Variants in BANP observed in about 807,000 individuals in gnomAD.
The protein encoded by BANP is BTG3 associated nuclear protein.
Under a neutral mutation model 68.1 loss-of-function variants are expected in BANP, and 11 were observed. The ratio of observed to expected loss-of-function variants is 0.16; its 90% CI spans 0.10 to 0.27. The LOEUF (loss-of-function observed/expected upper bound fraction) is 0.27, where lower values mean the gene tolerates loss of function less well. Among genes scored for constraint, BANP ranks in the 10% least tolerant of loss-of-function variants. BANP has a pLI of 1.00. For synonymous variants in BANP, 329 were observed against 303.2 expected (o/e 1.09, Z -0.88); for missense variants, 504 against 722.7 (o/e 0.70, Z 3.47).
chr16:88,044,830 A>C (rs1013294166), intron 11 of BANP, among the ~76,000 whole-genome samples: 1 of 152,180 alleles, frequency 6.6e-6, no homozygotes, highest in Admixed American at 6.5e-5. Context: ...AAAAATGCAA[A>C]AAATTAGCCG....
At chr16:87,969,690 C>T (rs1044352301) in intron 1 of BANP, among the ~76,000 whole-genome samples, 3 of 150,952 alleles carry the variant, frequency 2.0e-5, no homozygotes, top group African/African-American at 7.3e-5. Flanking sequence ...GCGCCGCCAT[C>T]CCCGTCTAAT....
rs1478436610 is a variant in BANP at position 87,965,465 on chromosome 16, A to G, written c.-68-9583A>G. Reference sequence around the variant, plus strand: ...TGTGCAAGGGTGATGCTGAGGGACCAGGGAGGGGTGCTGACTGGGTGTGGG... The same window carrying G: ...TGTGCAAGGGTGATGCTGAGGGACCGGGGAGGGGTGCTGACTGGGTGTGGG... On this transcript the variant is annotated intron_variant, in intron 1 of 13. Coordinates refer to ENST00000682872, the MANE Select transcript of BANP (RefSeq NM_001386991.1). Among the ~76,000 whole-genome samples the G allele has an allele frequency of 2.0e-5, 3 of 147,258 alleles. No homozygotes were observed. In the East Asian group the frequency reaches 6.0e-4, roughly 29 times the overall value.
chr16:88,056,443 G>A (rs561751359), intron 11 of BANP, among the ~76,000 whole-genome samples: 2 of 148,820 alleles, frequency 1.3e-5, no homozygotes, highest in Admixed American at 6.8e-5. Flanking sequence ...GTGTTTGGCT[G>A]GGAAGCGTAT....
chr16:87,997,467 G>C (rs2152523258), intron 4 of BANP, among the ~76,000 whole-genome samples: 1 of 152,402 alleles, frequency 6.6e-6, no homozygotes, highest in Admixed American at 6.5e-5. Context: ...CTGAGCATCA[G>C]TGTCTTCATG....
At chr16:88,017,323 G>A (rs2074807933) in intron 6 of BANP, 1 of 152,458 alleles carries the variant, frequency 6.6e-6, no homozygotes, top group South Asian at 2.1e-4. Context: ...AGGACGTGCT[G>A]GGGGAGGGGA....
At chr16:88,028,899 A>G (rs1336778286) in intron 8 of BANP, among the ~76,000 whole-genome samples, 1 of 152,234 alleles carries the variant, frequency 6.6e-6, no homozygotes, top group African/African-American at 2.4e-5. Flanking sequence ...TCATTTTTAC[A>G]GTGCCTGTCT....
intron 4 of BANP, among the ~76,000 whole-genome samples, chr16:87,986,423 G>T (rs545427868): frequency 2.6e-5 from 4 of 152,228 alleles, no homozygotes; most frequent in Non-Finnish European, 5.9e-5. Flanking sequence ...TGTAGTTTCT[G>T]TAGTGGGTTG....
At chr16:87,974,968 G>A (rs1597968389) in intron 1 of BANP, 80 bp from the exon 2 acceptor site, 7 of 678,060 alleles carry the variant, frequency 1.0e-5, no homozygotes, top group East Asian at 8.2e-5. Flanking sequence ...TTGCATACAC[G>A]TGCTCGGCTC....
intron 1 of BANP, among the ~76,000 whole-genome samples, chr16:87,973,161 T>A (rs1272282684): frequency 1.3e-5 from 2 of 152,066 alleles, no homozygotes; most frequent in South Asian, 2.1e-4. Context: ...AGATTAAACA[T>A]CTGTCTCATT....
chr16:88,006,947 C>CAAAA (rs11349895), intron 6 of BANP, among the ~76,000 whole-genome samples: 33 of 81,622 alleles, frequency 4.0e-4, no homozygotes, highest in Admixed American at 5.4e-4. Context: ...GACTCTGTCT[C>CAAAA]AAAAAAAAAA....
At chr16:88,072,298 TC>T in intron 13 of BANP, 86 bp downstream of exon 13, 5 of 1,450,290 alleles carry the variant, frequency 3.4e-6, no homozygotes, top group Non-Finnish European at 4.6e-6. Flanking sequence ...CCCGGGGCTT[TC>T]TCGTGACTCT....
intron 8 of BANP, 93 bp from the exon 9 acceptor site, chr16:88,033,016 G>C: frequency 5.2e-6 from 7 of 1,340,508 alleles, no homozygotes; most frequent in Non-Finnish European, 7.0e-6. Flanking sequence ...TGCTGTGGGA[G>C]TCGACAGTGG....
At chr16:88,034,004 C>T in intron 9 of BANP, among the ~76,000 whole-genome samples, 1 of 152,196 alleles carries the variant, frequency 6.6e-6, no homozygotes, top group Non-Finnish European at 1.5e-5. Flanking sequence ...CCCTTGGGCC[C>T]TCTGAAGACA....
intron 7 of BANP, among the ~76,000 whole-genome samples, chr16:88,020,063 C>G (rs1031604632): frequency 6.6e-6 from 1 of 152,178 alleles, no homozygotes; most frequent in African/African-American, 2.4e-5. Context: ...TCAGATAACT[C>G]CTGGGAGACC....
intron 11 of BANP, among the ~76,000 whole-genome samples, chr16:88,048,285 A>G (rs1413615476): frequency 6.6e-6 from 1 of 152,252 alleles, no homozygotes; most frequent in African/African-American, 2.4e-5. Context: ...AATCATTTGG[A>G]GAAATAACTA....
At chr16:88,056,783 A>T (rs7501249) in intron 11 of BANP, among the ~76,000 whole-genome samples, 17,048 of 152,262 alleles carry the variant, frequency 0.11, 1,912 homozygotes, top group African/African-American at 0.29. Flanking sequence ...CATTTCTTTT[A>T]CCTGTCATAC....
chr16:87,986,450 G>A (rs1201379071), intron 4 of BANP, among the ~76,000 whole-genome samples: 1 of 152,220 alleles, frequency 6.6e-6, no homozygotes, highest in Non-Finnish European at 1.5e-5. Context: ...AGGGTGCCTT[G>A]CTTGGATTCC....
chr16:88,065,402 C>A, intron 12 of BANP, 70 bp downstream of exon 12: 1 of 686,744 alleles, frequency 1.5e-6, no homozygotes, highest in Non-Finnish European at 2.6e-6. Context: ...TTAAAGACCC[C>A]CGCGATGACA....
chr16:88,060,181 A>G (rs921330891), intron 11 of BANP, among the ~76,000 whole-genome samples: 1 of 152,258 alleles, frequency 6.6e-6, no homozygotes, highest in Admixed American at 6.5e-5. Flanking sequence ...TGTCGGCACG[A>G]GTGGCAAGGC....
Sources: allele counts gnomAD v4.1 joint callset (sites outside exome capture counted in the v4.1 genomes callset), GRCh38; gene constraint gnomAD v4.1.1; transcripts MANE v1.5; gene names NCBI Gene and HGNC (gene_info 2026-07-23, HGNC 2026-07-21).